The following MAN2A1 variants were observed in gnomAD, a reference collection of about 807,000 sequenced individuals.
The protein encoded by MAN2A1 is alpha-mannosidase 2.
A neutral mutation model predicts 142.6 loss-of-function variants in MAN2A1; 76 were observed. That is an observed-to-expected ratio of 0.53 (90% CI 0.44 to 0.65). MAN2A1 has a LOEUF of 0.65. MAN2A1 is among the 30% of genes least tolerant of loss of function. The probability of loss-of-function intolerance (pLI) is 0.00; values close to 1 mark genes in which losing one functional copy is unlikely to be tolerated. For missense variants in MAN2A1, 1,311 were observed against 1,365.1 expected, an observed-to-expected ratio of 0.96 and a Z score of 0.62; for synonymous variants, 559 against 473.2, an observed-to-expected ratio of 1.18 and a Z score of -2.35.
intron 1 of MAN2A1, among the ~76,000 whole-genome samples, chr5:109,703,428 G>T (rs1184919742): frequency 6.6e-6 from 1 of 152,174 alleles, no homozygotes; most frequent in East Asian, 1.9e-4. Context: ...TATATGATGT[G>T]TTAACAACAT....
intron 6 of MAN2A1, among the ~76,000 whole-genome samples, chr5:109,768,993 A>G (rs926646239): frequency 6.6e-6 from 1 of 152,248 alleles, no homozygotes; most frequent in African/African-American, 2.4e-5. Context: ...GTCTAATTTG[A>G]TAAAATACGG....
chr5:109,699,115 A>G (rs933561807), intron 1 of MAN2A1, among the ~76,000 whole-genome samples: 9 of 152,092 alleles, frequency 5.9e-5, no homozygotes, highest in Admixed American at 5.9e-4. Context: ...ATGTAATTGC[A>G]TTTGTTTTCT....
At chr5:109,813,342 T>G (rs1179217548) in intron 12 of MAN2A1, among the ~76,000 whole-genome samples, 1 of 152,222 alleles carries the variant, frequency 6.6e-6, no homozygotes, top group Non-Finnish European at 1.5e-5. Flanking sequence ...GTCACAACTG[T>G]CACAAAGATC....
At chr5:109,817,676 G>A (rs1009164921) in intron 13 of MAN2A1, among the ~76,000 whole-genome samples, 5 of 151,984 alleles carry the variant, frequency 3.3e-5, no homozygotes, top group African/African-American at 1.2e-4. Context: ...ATTATATGTT[G>A]TTCATATGTA....
chr5:109,691,780 C>T (rs1458198345), intron 1 of MAN2A1, among the ~76,000 whole-genome samples: 1 of 152,118 alleles, frequency 6.6e-6, no homozygotes, highest in Admixed American at 6.5e-5. Flanking sequence ...TTTTAAAAGC[C>T]TCTGCTTCCC....
chr5:109,787,426 C>T (rs909760005), intron 10 of MAN2A1, among the ~76,000 whole-genome samples: 3 of 151,802 alleles, frequency 2.0e-5, no homozygotes, highest in African/African-American at 7.3e-5. Context: ...AATTAGAGGC[C>T]CTGAAAAAAA....
intron 5 of MAN2A1, among the ~76,000 whole-genome samples, chr5:109,763,763 A>G (rs1208497763): frequency 1.3e-5 from 2 of 151,182 alleles, no homozygotes; most frequent in Non-Finnish European, 2.9e-5. Flanking sequence ...TTGGCTATTA[A>G]TGTCTGCTTT....
At chr5:109,726,925 C>T (rs3797696) in intron 3 of MAN2A1, among the ~76,000 whole-genome samples, 57,502 of 151,902 alleles carry the variant, frequency 0.38, 11,789 homozygotes, top group African/African-American at 0.54. Context: ...ATCTTAAAGA[C>T]GATAATTCTA....
Position 109,767,709 on chromosome 5 carries a change from G to T in MAN2A1, c.1009+1G>T, listed in dbSNP as rs1220930332. ...GAGTTTTTTTGGAGACAGAATTGGG[G>T]TATGTAGGGTTTGATGAAAGTTGAT... On this transcript the variant is annotated splice_donor_variant, in intron 6 of 21. Coordinates refer to ENST00000261483, the MANE Select transcript of MAN2A1 (RefSeq NM_002372.4). LOFTEE classifies it high-confidence loss of function. The T allele has an allele frequency of 1.9e-6, 3 of 1,608,866 alleles. No homozygotes were observed. Among genetic ancestry groups the T allele is most frequent in the Admixed American group, 1.7e-5 (1 of 59,944 alleles).
At chr5:109,785,914 G>A (rs1405946764) in intron 10 of MAN2A1, among the ~76,000 whole-genome samples, 6 of 152,088 alleles carry the variant, frequency 3.9e-5, no homozygotes, top group Admixed American at 2.0e-4. Context: ...TGAGAAAAGC[G>A]TATACAACAC....
At chr5:109,810,606 T>C (rs904134549) in intron 12 of MAN2A1, among the ~76,000 whole-genome samples, 2 of 152,170 alleles carry the variant, frequency 1.3e-5, no homozygotes, top group African/African-American at 4.8e-5. Flanking sequence ...CACAAAATGC[T>C]CTTTTGATCT....
At position 109,719,707 on chromosome 5, in the gene MAN2A1, A is replaced by G. The variant is rs374925297; in HGVS notation, c.535+3443A>G. The stretch of plus-strand genomic sequence containing the variant: ...TGAAATAGATTTTTAAAAATTTTCT[A>G]TATTTAGTTCCCCAACTTTGTGAAT... On this transcript the variant is annotated intron_variant, in intron 3 of 21. Coordinates refer to ENST00000261483, the MANE Select transcript of MAN2A1 (RefSeq NM_002372.4). Among the ~76,000 whole-genome samples the G allele has an allele frequency of 2.0e-5, 3 of 152,144 alleles. No homozygotes were observed. In the South Asian group the frequency reaches 6.2e-4, roughly 31 times the overall value.
chr5:109,755,781 CA>C (rs1313240609), intron 5 of MAN2A1, among the ~76,000 whole-genome samples: 4 of 149,604 alleles, frequency 2.7e-5, no homozygotes, highest in Non-Finnish European at 4.5e-5. Flanking sequence ...TTTTTTTCAG[CA>C]AAAAAAGGAA....
At chr5:109,787,328 A>C (rs2112675551) in intron 10 of MAN2A1, among the ~76,000 whole-genome samples, 1 of 152,150 alleles carries the variant, frequency 6.6e-6, no homozygotes, top group Non-Finnish European at 1.5e-5. Flanking sequence ...TTAATACAAC[A>C]ACCATAACAG....
chr5:109,739,563 A>G (rs1752206919), intron 4 of MAN2A1, among the ~76,000 whole-genome samples: 1 of 152,012 alleles, frequency 6.6e-6, no homozygotes, highest in Non-Finnish European at 1.5e-5. Flanking sequence ...TTTGGTTCTA[A>G]CTTTACTTCT....
chr5:109,781,371 T>C, intron 8 of MAN2A1, 25 bp from the exon 9 acceptor site: 8 of 1,388,364 alleles, frequency 5.8e-6, no homozygotes, highest in Non-Finnish European at 8.0e-6. Flanking sequence ...GAATGAATAA[T>C]TGAAGTGCAT....
At chr5:109,808,078 A>G (rs542151561) in intron 12 of MAN2A1, among the ~76,000 whole-genome samples, 2 of 152,308 alleles carry the variant, frequency 1.3e-5, no homozygotes, top group African/African-American at 4.8e-5. Context: ...AGTTTTATCT[A>G]CTTTTCTAAC....
intron 4 of MAN2A1, among the ~76,000 whole-genome samples, chr5:109,755,058 G>C (rs1307278853): frequency 6.6e-6 from 1 of 152,148 alleles, no homozygotes; most frequent in Non-Finnish European, 1.5e-5. Context: ...GAATCTTTGA[G>C]GCTGTATGGG....
intron 16 of MAN2A1, among the ~76,000 whole-genome samples, chr5:109,833,232 G>T (rs1185584732): frequency 6.6e-6 from 1 of 151,952 alleles, no homozygotes; most frequent in Non-Finnish European, 1.5e-5. Context: ...ACGATGGGCG[G>T]CCAGGCAGAG....
Sources: allele counts gnomAD v4.1 joint callset (sites outside exome capture counted in the v4.1 genomes callset), GRCh38; gene constraint gnomAD v4.1.1; transcripts MANE v1.5; gene names NCBI Gene and HGNC (gene_info 2026-07-23, HGNC 2026-07-21).